The following IL1R1 variants were observed in gnomAD, a reference collection of about 807,000 sequenced individuals.
IL1R1 encodes interleukin-1 receptor type 1.
Under a neutral mutation model 50.2 loss-of-function variants are expected in IL1R1, and 22 were observed. The observed-to-expected ratio is 0.44, with a 90% CI of 0.31 to 0.63. The LOEUF (loss-of-function observed/expected upper bound fraction) is 0.63. Among genes scored for constraint, IL1R1 ranks in the 20% least tolerant of loss-of-function variants. IL1R1 has a pLI of 0.07. For missense variants in IL1R1, 509 were observed against 676.2 expected (o/e 0.75, Z 2.74); for synonymous variants, 251 against 236.7 (o/e 1.06, Z -0.55).
rs1686385586 is a variant in IL1R1 at position 102,179,204 on chromosome 2, G to A, written c.*2445G>A. On this transcript the variant is annotated 3_prime_UTR_variant, in exon 12 of 12. Transcript: ENST00000410023. ...AGTCTGTCATCCAGAAAATGTGTCAGCATGCATAGTGCTAAGAAAGCAAGC... is the reference window on the plus strand; with the variant it reads ...AGTCTGTCATCCAGAAAATGTGTCAACATGCATAGTGCTAAGAAAGCAAGC... The A allele has an allele frequency of 6.6e-6, 1 of 152,348 alleles. No individual in the cohort carries two copies. Among genetic ancestry groups the A allele is most frequent in the African/African-American group, 2.4e-5 (1 of 41,448 alleles). The allele number at this position is 152,348 out of a possible 1,614,324, so 9.4% of individuals were successfully genotyped here.
intron 1 of IL1R1, among the ~76,000 whole-genome samples, chr2:102,072,444 C>A (rs1168888864): frequency 6.6e-6 from 1 of 152,106 alleles, no homozygotes; most frequent in Non-Finnish European, 1.5e-5. Flanking sequence ...ATAGATGTAC[C>A]TGGTTTCTTA....
chr2:102,150,267 C>A (rs1683532604), intron 1 of IL1R1, among the ~76,000 whole-genome samples: 1 of 152,170 alleles, frequency 6.6e-6, no homozygotes, highest in South Asian at 2.1e-4. Context: ...CCCTCTCTCC[C>A]CAGCTGTCAC....
chr2:102,167,543 G>A (rs186806062), intron 6 of IL1R1, among the ~76,000 whole-genome samples: 1,610 of 146,318 alleles, frequency 0.011, 9 homozygotes, highest in Middle Eastern at 0.033. Context: ...TGCCTCCCGG[G>A]TTCATGCCAT....
chr2:102,110,408 A>G (rs560498926), intron 1 of IL1R1, among the ~76,000 whole-genome samples: 124 of 151,736 alleles, frequency 8.2e-4, no homozygotes, highest in African/African-American at 2.5e-3. Flanking sequence ...TGTGATTTTG[A>G]TATATATTTC....
chr2:102,146,015 G>T (rs1683089620), intron 1 of IL1R1, among the ~76,000 whole-genome samples: 1 of 152,246 alleles, frequency 6.6e-6, no homozygotes, highest in Non-Finnish European at 1.5e-5. Flanking sequence ...GAAGTGGGAA[G>T]TTTCTTTTAA....
At chr2:102,170,985 CAGG>C (rs1258533560) in intron 7 of IL1R1, among the ~76,000 whole-genome samples, 1 of 152,164 alleles carries the variant, frequency 6.6e-6, no homozygotes, top group Admixed American at 6.5e-5. Context: ...CACTTGAACC[CAGG>C]AGGAGAAGGT....
chr2:102,133,572 G>A (rs1682165676), intron 1 of IL1R1, among the ~76,000 whole-genome samples: 1 of 152,128 alleles, frequency 6.6e-6, no homozygotes, highest in African/African-American at 2.4e-5. Flanking sequence ...GACCAAGTAG[G>A]TATTATCCCA....
chr2:102,103,990 GAAAAAAAA>G (rs72041212), upstream of IL1R1, among the ~76,000 whole-genome samples: 1 of 83,976 alleles, frequency 1.2e-5, no homozygotes, highest in Non-Finnish European at 2.2e-5. Flanking sequence ...GACTGTCTCA[GAAAAAAAA>G]AAAAAAAAAA....
intron 1 of IL1R1, among the ~76,000 whole-genome samples, chr2:102,076,923 A>G (rs1370346887): frequency 2.0e-5 from 3 of 151,974 alleles, no homozygotes; most frequent in African/African-American, 4.8e-5. Flanking sequence ...AGGGACTTCC[A>G]TTACACATAT....
chr2:102,125,528 G>A (rs1159833071), intron 1 of IL1R1, among the ~76,000 whole-genome samples: 1 of 152,186 alleles, frequency 6.6e-6, no homozygotes, highest in Non-Finnish European at 1.5e-5. Flanking sequence ...ACATGTAGCA[G>A]TCAGGATAGA....
At chr2:102,163,856 A>G (rs1204608547) in intron 3 of IL1R1, among the ~76,000 whole-genome samples, 1 of 152,134 alleles carries the variant, frequency 6.6e-6, no homozygotes, top group Admixed American at 6.5e-5. Context: ...GTTCTGCCAC[A>G]TGATTGTTAC....
At chr2:102,141,486 A>T (rs1682644118), upstream of IL1R1, among the ~76,000 whole-genome samples, 1 of 152,220 alleles carries the variant, frequency 6.6e-6, no homozygotes, top group African/African-American at 2.4e-5. Context: ...AAGGAACCAT[A>T]AAAGCTTCTG....
rs568623136 is a variant in IL1R1 at position 102,160,946 on chromosome 2, C to G, written c.61+3161C>G. On this transcript the variant is annotated intron_variant, in intron 3 of 11. Transcript: ENST00000410023. ...CTCTGTTTTGTCACTCAGTCACCTTCGTAAATGAAGACCCAGGCATAGAAT... is the reference window on the plus strand; with the variant it reads ...CTCTGTTTTGTCACTCAGTCACCTTGGTAAATGAAGACCCAGGCATAGAAT... Among the ~76,000 whole-genome samples the G allele has an allele frequency of 3.3e-5, 5 of 152,230 alleles. No individual in the cohort carries two copies. The South Asian group carries it at 8.3e-4, about 25-fold the overall frequency.
At chr2:102,137,313 A>G (rs1682401452) in intron 1 of IL1R1, among the ~76,000 whole-genome samples, 1 of 152,178 alleles carries the variant, frequency 6.6e-6, no homozygotes. Context: ...ACTCAAAACA[A>G]CAGTGTATTA....
chr2:102,077,190 C>A (rs927828789), intron 1 of IL1R1, among the ~76,000 whole-genome samples: 4 of 152,136 alleles, frequency 2.6e-5, no homozygotes, highest in Non-Finnish European at 5.9e-5. Flanking sequence ...CACATCTCAG[C>A]CTCCTGAGTA....
chr2:102,073,908 T>C (rs1678848589), intron 1 of IL1R1, among the ~76,000 whole-genome samples: 1 of 152,120 alleles, frequency 6.6e-6, no homozygotes, highest in African/African-American at 2.4e-5. Flanking sequence ...ACGTCAACAA[T>C]GCCCCTCTTT....
At position 102,176,824 on chromosome 2, in the gene IL1R1, G is replaced by A; in HGVS notation, c.*65G>A. On this transcript the variant is annotated 3_prime_UTR_variant, in exon 12 of 12. Coordinates refer to ENST00000410023, the MANE Select transcript of IL1R1 (RefSeq NM_000877.4). ...CTTATGGCGTTGCAGGCCAGGTTAT[G>A]CCTCATGCTGACTTGCAGAGTTCAT... 2 of 1,451,420 alleles carry A rather than the reference G, an allele frequency of 1.4e-6. No individual in the cohort carries two copies. Among genetic ancestry groups the A allele is most frequent in the Non-Finnish European group, 1.9e-6 (2 of 1,050,658 alleles). The allele number at this position is 1,451,420 out of a possible 1,614,324, so 89.9% of individuals were successfully genotyped here.
chr2:102,115,388 C>T (rs1309954605), intron 1 of IL1R1, among the ~76,000 whole-genome samples: 1 of 152,168 alleles, frequency 6.6e-6, no homozygotes, highest in Non-Finnish European at 1.5e-5. Flanking sequence ...AGTAAGTGTG[C>T]TTTCAGTTTT....
rs986583180 is a variant in IL1R1, at chr2:102,112,316, G to A, written c.-84+7444G>A. Among the ~76,000 whole-genome samples the A allele has an allele frequency of 3.3e-4, 24 of 73,012 alleles. 1 individual carries two copies. Among genetic ancestry groups the A allele is most frequent in the Middle Eastern group, 6.0e-3 (1 of 166 alleles). The allele number at this position is 73,012 out of a possible 152,430, so 47.9% of individuals were successfully genotyped here. On this transcript the variant is annotated intron_variant, in intron 1 of 10. Coordinates refer to the IL1R1 transcript ENST00000409329. ...CAGCACAGAGTGGGGATTAACGTGT[G>A]TGTGTGTGTGTGTGTGTGTGTGAGT... is the stretch of plus-strand genomic sequence containing the variant.
Sources: gnomAD v4.1 joint callset for allele counts (sites outside exome capture counted in the v4.1 genomes callset) on GRCh38, gnomAD v4.1.1 for gene constraint, MANE v1.5 for transcripts, NCBI Gene and HGNC (gene_info 2026-07-23, HGNC 2026-07-21) for gene names.